The following FRMPD4 variants were observed in gnomAD, a reference collection of about 807,000 sequenced individuals.
The protein encoded by FRMPD4 is FERM and PDZ domain-containing protein 4.
Under a neutral mutation model 94.1 loss-of-function variants are expected in FRMPD4, and 22 were observed. The ratio of observed to expected loss-of-function variants is 0.23; its 90% CI spans 0.17 to 0.33. The LOEUF is 0.33. Ranked by LOEUF, FRMPD4 falls within the 10% of genes least tolerant of loss-of-function variation. FRMPD4 has a pLI of 1.00. For synonymous variants in FRMPD4, 631 were observed against 548.6 expected, an observed-to-expected ratio of 1.15 and a Z score of -2.10; for missense variants, 1,111 against 1,339.9, an observed-to-expected ratio of 0.83 and a Z score of 2.67.
rs149893417 is a variant in FRMPD4, at chrX:12,140,418, A to G, written c.41+1406A>G. On this transcript the variant is annotated intron_variant, in intron 1 of 16. Transcript: ENST00000675598. Reference sequence around the variant, plus strand: ...TTTCAAGCTGATCTCATAGAGGGCCATTGCTTCACACCACTATTCTATTAA... The same window carrying G: ...TTTCAAGCTGATCTCATAGAGGGCCGTTGCTTCACACCACTATTCTATTAA... Among the ~76,000 whole-genome samples, 218 of 112,370 alleles carry G rather than the reference A, an allele frequency of 1.9e-3. 1 individual carries two copies. Among genetic ancestry groups the G allele is most frequent in the African/African-American group, 6.6e-3 (203 of 30,927 alleles).
At chrX:12,379,103 G>A (rs2056282742) in intron 1 of FRMPD4, among the ~76,000 whole-genome samples, 2 of 111,993 alleles carry the variant, frequency 1.8e-5, no homozygotes, top group Admixed American at 9.5e-5. Flanking sequence ...ACATTCCTTA[G>A]GGGGCAATCT....
intron 2 of FRMPD4, among the ~76,000 whole-genome samples, chrX:12,585,953 A>G (rs1472404111): frequency 8.9e-6 from 1 of 112,957 alleles, no homozygotes; most frequent in East Asian, 2.8e-4. Flanking sequence ...TAATATATGT[A>G]TAGTGTCTGA....
intron 1 of FRMPD4, among the ~76,000 whole-genome samples, chrX:11,852,849 A>G (rs1029081017): frequency 1.8e-5 from 2 of 111,698 alleles, no homozygotes; most frequent in Admixed American, 1.9e-4. Flanking sequence ...GGTCATTGAG[A>G]CAGAAAATTA....
chrX:12,670,619 TA>T (rs2059830534), intron 4 of FRMPD4, among the ~76,000 whole-genome samples: 1 of 112,014 alleles, frequency 8.9e-6, no homozygotes, highest in African/African-American at 3.3e-5. Context: ...ACGTAAGACC[TA>T]AAACCATAAA....
At chrX:12,605,083 A>G (rs2059118581) in intron 2 of FRMPD4, among the ~76,000 whole-genome samples, 1 of 112,493 alleles carries the variant, frequency 8.9e-6, no homozygotes, top group South Asian at 3.7e-4. Context: ...GGTCACGTCA[A>G]TAAGAAGTAG....
chrX:12,415,768 T>C, intron 1 of FRMPD4, among the ~76,000 whole-genome samples: 1 of 112,492 alleles, frequency 8.9e-6, no homozygotes, highest in East Asian at 2.8e-4. Context: ...CCTCCATTGA[T>C]CAGGATTTGG....
intron 1 of FRMPD4, among the ~76,000 whole-genome samples, chrX:12,198,790 T>C (rs2056595417): frequency 8.9e-6 from 1 of 112,214 alleles, no homozygotes; most frequent in African/African-American, 3.2e-5. Flanking sequence ...AATTAATCAT[T>C]TATAGTGAAA....
At chrX:12,113,783 A>G (rs1190413699) in intron 3 of FRMPD4, among the ~76,000 whole-genome samples, 1 of 111,955 alleles carries the variant, frequency 8.9e-6, no homozygotes, top group African/African-American at 3.2e-5. Flanking sequence ...GCCTACCACA[A>G]TGCATTCCTC....
intron 4 of FRMPD4, among the ~76,000 whole-genome samples, chrX:12,623,879 C>T (rs926093761): frequency 8.9e-6 from 1 of 111,953 alleles, no homozygotes; most frequent in Non-Finnish European, 1.9e-5. Flanking sequence ...TAGGAAGAAC[C>T]GCCAACCAAG....
chrX:12,206,184 G>A (rs1476903513), intron 1 of FRMPD4, among the ~76,000 whole-genome samples: 2 of 111,972 alleles, frequency 1.8e-5, no homozygotes, highest in Non-Finnish European at 3.8e-5. Flanking sequence ...AGATTATTGT[G>A]GTGATTAAAT....
intron 1 of FRMPD4, among the ~76,000 whole-genome samples, chrX:12,490,067 G>C (rs1333620149): frequency 9.0e-6 from 1 of 111,334 alleles, no homozygotes; most frequent in Non-Finnish European, 1.9e-5. Flanking sequence ...TGAGGGCACT[G>C]GATGCTTGAA....
chrX:12,095,925 A>G (rs1289945732), intron 3 of FRMPD4, among the ~76,000 whole-genome samples: 1 of 112,195 alleles, frequency 8.9e-6, no homozygotes, highest in East Asian at 2.8e-4. Flanking sequence ...CTGTGAAAGC[A>G]TGTCTGGGCT....
At chrX:12,106,856 C>G (rs181123589) in intron 3 of FRMPD4, among the ~76,000 whole-genome samples, 6,487 of 111,705 alleles carry the variant, frequency 0.058, 442 homozygotes, top group African/African-American at 0.2. Flanking sequence ...GGGGGAGGGG[C>G]GTCCTGCCAT....
At chrX:12,459,540 A>C (rs1423352815) in intron 1 of FRMPD4, among the ~76,000 whole-genome samples, 1 of 111,264 alleles carries the variant, frequency 9.0e-6, no homozygotes, top group African/African-American at 3.3e-5. Context: ...GCTTTCCTAG[A>C]ATTTCATATA....
intron 3 of FRMPD4, among the ~76,000 whole-genome samples, chrX:12,097,870 G>A (rs2055220025): frequency 1.8e-5 from 2 of 112,512 alleles, no homozygotes; most frequent in Admixed American, 1.9e-4. Context: ...TATGAGTAAT[G>A]CTGTTATGAA....
intron 3 of FRMPD4, among the ~76,000 whole-genome samples, chrX:12,073,122 C>T (rs185161473): frequency 1.6e-4 from 18 of 111,048 alleles, no homozygotes; most frequent in African/African-American, 4.9e-4. Context: ...TATAAATATA[C>T]GGCAGTTTAT....
Position 12,716,303 on chromosome X carries a change from A to T in FRMPD4, c.1844A>T (p.Glu615Val). The T allele has an allele frequency of 8.3e-7, 1 of 1,210,364 alleles. No homozygotes were observed. The highest frequency in any genetic ancestry group is 1.1e-6 in the Non-Finnish European group (1 of 894,161). The change falls in exon 15 of 17, where the codon GAG (glutamate) becomes GTG (valine). Residue 615 changes from glutamate (E) to valine (V), a missense_variant. Transcript: ENST00000675598. ...GLNQQLSQPG[E>V]APCEADYRSL... ...AACCAGCAGCTGAGCCAGCCCGGGGAGGCCCCCTGTGAGGCAGACTACAGA... is the reference window on the plus strand; with the variant it reads ...AACCAGCAGCTGAGCCAGCCCGGGGTGGCCCCCTGTGAGGCAGACTACAGA...
At chrX:11,887,393 C>T (rs1397119239) in intron 3 of FRMPD4, among the ~76,000 whole-genome samples, 3 of 111,649 alleles carry the variant, frequency 2.7e-5, no homozygotes, top group African/African-American at 9.8e-5. Flanking sequence ...CCACATACCT[C>T]GCTCCACATG....
intron 3 of FRMPD4, among the ~76,000 whole-genome samples, chrX:11,924,079 G>A (rs922150938): frequency 2.7e-5 from 3 of 112,245 alleles, no homozygotes; most frequent in African/African-American, 9.7e-5. Flanking sequence ...CAGTATAGAG[G>A]AGAATGTAAC....
Sources: allele counts gnomAD v4.1 joint callset (sites outside exome capture counted in the v4.1 genomes callset), GRCh38; gene constraint gnomAD v4.1.1; transcripts MANE v1.5; gene names NCBI Gene and HGNC (gene_info 2026-07-23, HGNC 2026-07-21).